The following FAM53A variants were observed in gnomAD, a reference collection of about 807,000 sequenced individuals.
FAM53A encodes the protein family with sequence similarity 53 member A, also known as protein FAM53A.
In FAM53A, 28 loss-of-function variants were observed where a neutral mutation model predicts 26.6. That is an observed-to-expected ratio of 1.05 (90% CI 0.78 to 1.45). The LOEUF (loss-of-function observed/expected upper bound fraction) is 1.45, where lower values mean the gene tolerates loss of function less well. Ranked by LOEUF, FAM53A falls within the 40% of genes most tolerant of loss-of-function variation. The pLI is 0.00. For missense variants in FAM53A, 650 were observed against 575.8 expected (o/e 1.13, Z -1.32); for synonymous variants, 290 against 253.1 (o/e 1.15, Z -1.38).
At chr4:1,649,565 G>A (rs1005224912) in intron 4 of FAM53A, among the ~76,000 whole-genome samples, 8 of 152,248 alleles carry the variant, frequency 5.3e-5, no homozygotes, top group Non-Finnish European at 7.3e-5. Context: ...TGTGGGGCCC[G>A]CTCATGCCCA....
intron 4 of FAM53A, among the ~76,000 whole-genome samples, chr4:1,648,024 C>T (rs1370347915): frequency 6.6e-6 from 1 of 152,122 alleles, no homozygotes; most frequent in Non-Finnish European, 1.5e-5. Flanking sequence ...ACTTGGACAA[C>T]ATAGTAAGGC....
At chr4:1,645,541 C>T (rs1279430363) in intron 4 of FAM53A, among the ~76,000 whole-genome samples, 1 of 152,232 alleles carries the variant, frequency 6.6e-6, no homozygotes, top group African/African-American at 2.4e-5. Context: ...AAGATCCTCC[C>T]TGTCTCCCCA....
rs1711631747 is a variant in FAM53A at position 1,640,937 on chromosome 4, C to T, written c.*356G>A. 4.5e-6 allele frequency: 2 copies of T among 441,958 alleles called. No individual in the cohort carries two copies. Among genetic ancestry groups the T allele is most frequent in the Non-Finnish European group, 8.6e-6 (2 of 232,218 alleles). The allele number at this position is 441,958 out of a possible 1,614,324, so 27.4% of individuals were successfully genotyped here. The stretch of plus-strand genomic sequence containing the variant: ...CAGCTCACAGGAAACCTAGTCTGTG[C>T]CCCAGGGCAGTGCAGGCGGCAGCCG... On this transcript the variant is annotated 3_prime_UTR_variant, in exon 5 of 5. Transcript: ENST00000308132.
intron 4 of FAM53A, among the ~76,000 whole-genome samples, chr4:1,642,402 C>T (rs1235529525): frequency 6.6e-6 from 1 of 152,144 alleles, no homozygotes. Context: ...CTCTGCCCTC[C>T]GGAGGTGCCG....
chr4:1,631,364 T>C (rs750931668), intron 1 of FAM53A, among the ~76,000 whole-genome samples: 14 of 152,212 alleles, frequency 9.2e-5, no homozygotes, highest in Non-Finnish European at 1.8e-4. Context: ...TGGGCCTCAG[T>C]GTGGGGCAGT....
intron 1 of FAM53A, among the ~76,000 whole-genome samples, chr4:1,678,496 A>G (rs567740728): frequency 6.6e-6 from 1 of 152,348 alleles, no homozygotes; most frequent in Admixed American, 6.5e-5. Flanking sequence ...CTTTTCAACA[A>G]GTGCTGCTGA....
the FAM53A span, among the ~76,000 whole-genome samples, chr4:1,586,831 G>A: frequency 6.6e-6 from 1 of 151,390 alleles, no homozygotes; most frequent in African/African-American, 2.4e-5. Context: ...ATCATGTGGT[G>A]GTCTATTCTT....
chr4:1,666,730 A>AG (rs957306644), intron 2 of FAM53A, among the ~76,000 whole-genome samples: 1 of 152,276 alleles, frequency 6.6e-6, no homozygotes, highest in African/African-American at 2.4e-5. Flanking sequence ...GGCCAGGCGC[A>AG]GTGGCTCACG....
chr4:1,621,869 A>G (rs1306075834), intron 1 of FAM53A, among the ~76,000 whole-genome samples: 1 of 152,146 alleles, frequency 6.6e-6, no homozygotes, highest in Non-Finnish European at 1.5e-5. Flanking sequence ...GCGTCCCCCA[A>G]GGCTCATGTG....
upstream of FAM53A, among the ~76,000 whole-genome samples, chr4:1,684,910 G>A (rs1715717045): frequency 6.6e-6 from 1 of 152,210 alleles, no homozygotes; most frequent in African/African-American, 2.4e-5. Flanking sequence ...GGTTCCGTCC[G>A]AGCACAGCAG....
the FAM53A span, among the ~76,000 whole-genome samples, chr4:1,588,607 A>G: frequency 3.3e-5 from 5 of 152,274 alleles, no homozygotes; most frequent in Middle Eastern, 3.4e-3. Context: ...GAGGTCTTCT[A>G]TGAGTGAAGC....
chr4:1,623,752 A>G (rs946321006), intron 1 of FAM53A, among the ~76,000 whole-genome samples: 1 of 152,240 alleles, frequency 6.6e-6, no homozygotes, highest in Non-Finnish European at 1.5e-5. Context: ...GTTACCATAC[A>G]TTCCCGGGGC....
the FAM53A span, among the ~76,000 whole-genome samples, chr4:1,596,490 G>A: frequency 0.033 from 4,881 of 147,650 alleles, 219 homozygotes; most frequent in African/African-American, 0.096. Context: ...TGTGGGCGCT[G>A]TTCCCACCTC....
At chr4:1,608,941 G>A in the FAM53A span, among the ~76,000 whole-genome samples, 1 of 152,206 alleles carries the variant, frequency 6.6e-6, no homozygotes, top group South Asian at 2.1e-4. Flanking sequence ...TGGAGGCGGG[G>A]CCCAAGGAGG....
intron 1 of FAM53A, among the ~76,000 whole-genome samples, chr4:1,670,209 T>G (rs1714536706): frequency 6.6e-6 from 1 of 152,266 alleles, no homozygotes; most frequent in South Asian, 2.1e-4. Context: ...CTTCTGCCAA[T>G]GCTGGAAAGG....
downstream of FAM53A, among the ~76,000 whole-genome samples, chr4:1,615,895 G>A (rs1443410718): frequency 6.6e-6 from 1 of 152,214 alleles, no homozygotes; most frequent in Admixed American, 6.5e-5. Context: ...TAGGGCAGGG[G>A]CTGGGCAGGG....
At chr4:1,634,960 T>C (rs1715775263), downstream of FAM53A, among the ~76,000 whole-genome samples, 1 of 152,110 alleles carries the variant, frequency 6.6e-6, no homozygotes, top group African/African-American at 2.4e-5. Context: ...TGCAGGAAGA[T>C]TTTAAACTAC....
At chr4:1,595,902 G>A in the FAM53A span, among the ~76,000 whole-genome samples, 1 of 152,214 alleles carries the variant, frequency 6.6e-6, no homozygotes, top group South Asian at 2.1e-4. Context: ...TCTCTGTGGT[G>A]CAGGTGCTCA....
chr4:1,588,078 T>A, the FAM53A span, among the ~76,000 whole-genome samples: 1 of 152,254 alleles, frequency 6.6e-6, no homozygotes, highest in African/African-American at 2.4e-5. Context: ...CTAGCATCCT[T>A]AATGCTAAGT....
Sources: allele counts gnomAD v4.1 joint callset (sites outside exome capture counted in the v4.1 genomes callset), GRCh38; gene constraint gnomAD v4.1.1; transcripts MANE v1.5; gene names NCBI Gene and HGNC (gene_info 2026-07-23, HGNC 2026-07-21).